AGBL4: variants seen among roughly 807,000 people sequenced by gnomAD.
AGBL4 encodes AGBL carboxypeptidase 4.
A neutral mutation model predicts 66.4 loss-of-function variants in AGBL4; 58 were observed. The observed-to-expected ratio is 0.87, with a 90% CI of 0.71 to 1.09. The LOEUF is 1.09. AGBL4 is among the 50% of genes least tolerant of loss of function. AGBL4 has a pLI of 0.00. For missense variants in AGBL4, 579 were observed against 631.0 expected, an observed-to-expected ratio of 0.92 and a Z score of 0.88; for synonymous variants, 234 against 222.9, an observed-to-expected ratio of 1.05 and a Z score of -0.44.
chr1:49,007,785 A>G (rs368388715), intron 5 of AGBL4, among the ~76,000 whole-genome samples: 2 of 151,730 alleles, frequency 1.3e-5, no homozygotes, highest in Non-Finnish European at 2.9e-5. Context: ...CTAAGCTTCA[A>G]AAGTGAAGGA....
chr1:48,564,140 T>C (rs1447725212), intron 11 of AGBL4, among the ~76,000 whole-genome samples: 1 of 152,112 alleles, frequency 6.6e-6, no homozygotes, highest in Admixed American at 6.6e-5. Context: ...GCACAGCCTC[T>C]GCCCCTGTTC....
intron 5 of AGBL4, among the ~76,000 whole-genome samples, chr1:48,968,661 T>G (rs939775856): frequency 5.9e-5 from 9 of 152,302 alleles, no homozygotes; most frequent in African/African-American, 2.2e-4. Flanking sequence ...GAAGGACTTA[T>G]CTAAGGCCAC....
At chr1:49,461,340 C>G (rs563818293) in intron 3 of AGBL4, among the ~76,000 whole-genome samples, 3 of 151,240 alleles carry the variant, frequency 2.0e-5, no homozygotes, top group Non-Finnish European at 4.4e-5. Context: ...ATTAAAAAAG[C>G]TTGTCTTCAA....
At chr1:49,441,827 C>T (rs997419446) in intron 3 of AGBL4, among the ~76,000 whole-genome samples, 5 of 152,210 alleles carry the variant, frequency 3.3e-5, no homozygotes, top group Non-Finnish European at 5.9e-5. Flanking sequence ...GTGGACACCA[C>T]TCAGCCTCTC....
chr1:49,314,300 G>C (rs1644997659), intron 3 of AGBL4, among the ~76,000 whole-genome samples: 1 of 151,920 alleles, frequency 6.6e-6, no homozygotes, highest in African/African-American at 2.4e-5. Context: ...TGTTACATAG[G>C]TATACACGTG....
chr1:49,803,688 T>C (rs2147954237), intron 2 of AGBL4, among the ~76,000 whole-genome samples: 1 of 152,270 alleles, frequency 6.6e-6, no homozygotes, highest in East Asian at 1.9e-4. Flanking sequence ...TGCCTCAACG[T>C]GTCGCTGACA....
chr1:49,441,110 G>A (rs1187243697), intron 3 of AGBL4, among the ~76,000 whole-genome samples: 2 of 152,150 alleles, frequency 1.3e-5, no homozygotes, highest in South Asian at 2.1e-4. Context: ...ACCCCTGTTA[G>A]CTTCAAGACA....
chr1:49,777,631 A>T (rs545901832), intron 2 of AGBL4, among the ~76,000 whole-genome samples: 2 of 152,266 alleles, frequency 1.3e-5, no homozygotes, highest in African/African-American at 4.8e-5. Flanking sequence ...TTCTGTACCT[A>T]GTCAAAAACA....
At chr1:49,919,577 G>T (rs909650202) in intron 1 of AGBL4, among the ~76,000 whole-genome samples, 31 of 152,078 alleles carry the variant, frequency 2.0e-4, no homozygotes, top group Admixed American at 5.9e-4. Flanking sequence ...CACTGGTCAA[G>T]GAAATAAAAG....
intron 5 of AGBL4, among the ~76,000 whole-genome samples, chr1:48,922,407 T>C (rs961672375): frequency 4.6e-5 from 7 of 152,084 alleles, no homozygotes; most frequent in African/African-American, 1.7e-4. Context: ...AGAAGGATGC[T>C]AGCCAGTTGC....
chr1:48,748,512 G>C (rs556982533), intron 6 of AGBL4, among the ~76,000 whole-genome samples: 30 of 152,314 alleles, frequency 2.0e-4, no homozygotes, highest in African/African-American at 7.2e-4. Flanking sequence ...AGCAAAGGAG[G>C]GGGTGCTGCC....
intron 3 of AGBL4, among the ~76,000 whole-genome samples, chr1:49,629,829 A>G (rs1033341985): frequency 6.6e-6 from 1 of 152,122 alleles, no homozygotes; most frequent in African/African-American, 2.4e-5. Context: ...TCTTCTATTA[A>G]TGGTTTTCAG....
intron 2 of AGBL4, among the ~76,000 whole-genome samples, chr1:49,781,183 A>G (rs1402864456): frequency 1.3e-5 from 2 of 152,158 alleles, no homozygotes; most frequent in Non-Finnish European, 2.9e-5. Flanking sequence ...TGAGGCCAGA[A>G]GTTTGAGACC....
intron 4 of AGBL4, among the ~76,000 whole-genome samples, chr1:49,225,751 T>C (rs1570129530): frequency 6.6e-6 from 1 of 152,324 alleles, no homozygotes; most frequent in South Asian, 2.1e-4. Context: ...TCATCTCAGA[T>C]ATATGTTCCA....
At chr1:49,467,075 A>G (rs1646646725) in intron 3 of AGBL4, among the ~76,000 whole-genome samples, 1 of 151,892 alleles carries the variant, frequency 6.6e-6, no homozygotes, top group Non-Finnish European at 1.5e-5. Flanking sequence ...GTGGAAGGAA[A>G]CTAAGGTAGG....
chr1:48,999,532 G>A (rs191060880), intron 5 of AGBL4, among the ~76,000 whole-genome samples: 23 of 152,320 alleles, frequency 1.5e-4, no homozygotes, highest in Non-Finnish European at 2.4e-4. Flanking sequence ...ATCCAGAAGT[G>A]AAAGGAATGC....
chr1:48,687,428 T>A lies in AGBL4; in HGVS notation c.635-24187A>T, dbSNP rs1041336595. ...GGTGCTCTTGCTAGCAGGTGATGAG[T>A]CTGTGCTGCGGCACCCCCACAGGCT... On this transcript the variant is annotated intron_variant, in intron 6 of 13. Transcript: ENST00000371839. Among the ~76,000 whole-genome samples, 9 of 152,024 alleles carry A rather than the reference T, an allele frequency of 5.9e-5. No individual in the cohort carries two copies. In the South Asian group the frequency reaches 1.3e-3, roughly 21 times the overall value.
At chr1:48,689,635 G>A (rs1006016995) in intron 6 of AGBL4, among the ~76,000 whole-genome samples, 2 of 152,196 alleles carry the variant, frequency 1.3e-5, no homozygotes, top group Admixed American at 1.3e-4. Flanking sequence ...GCCCATTAAA[G>A]GGAACTTATC....
At chr1:49,491,406 C>T (rs560445242) in intron 3 of AGBL4, among the ~76,000 whole-genome samples, 15 of 151,784 alleles carry the variant, frequency 9.9e-5, no homozygotes, top group East Asian at 7.8e-4. Context: ...TTTTAAAATG[C>T]GTATCTTCTC....
Sources: allele counts gnomAD v4.1 joint callset (sites outside exome capture counted in the v4.1 genomes callset), GRCh38; gene constraint gnomAD v4.1.1; transcripts MANE v1.5; gene names NCBI Gene and HGNC (gene_info 2026-07-23, HGNC 2026-07-21).